The following RUNDC3B variants were observed in gnomAD, a reference collection of about 807,000 sequenced individuals.
RUNDC3B encodes RUN domain containing 3B, also known as RUN domain-containing protein 3B.
Under a neutral mutation model 58.4 loss-of-function variants are expected in RUNDC3B, and 33 were observed. The ratio of observed to expected loss-of-function variants is 0.56; its 90% CI spans 0.43 to 0.75. The LOEUF (loss-of-function observed/expected upper bound fraction) is 0.75, where lower values mean the gene tolerates loss of function less well. Among genes scored for constraint, RUNDC3B ranks in the 30% least tolerant of loss-of-function variants. RUNDC3B has a pLI of 0.00. For synonymous variants in RUNDC3B, 193 were observed against 195.2 expected (o/e 0.99, Z 0.10); for missense variants, 501 against 535.7 (o/e 0.94, Z 0.64).
chr7:87,821,766 A>G (rs1161036114), intron 10 of RUNDC3B, among the ~76,000 whole-genome samples: 1 of 152,216 alleles, frequency 6.6e-6, no homozygotes, highest in Non-Finnish European at 1.5e-5. Context: ...TCTTTGACAA[A>G]CCTGACAAAA....
intron 1 of RUNDC3B, among the ~76,000 whole-genome samples, chr7:87,643,069 A>G (rs983278997): frequency 6.6e-6 from 1 of 151,852 alleles, no homozygotes; most frequent in African/African-American, 2.4e-5. Context: ...GCCTCTTTCC[A>G]CCATGCCTGA....
intron 4 of RUNDC3B, among the ~76,000 whole-genome samples, chr7:87,733,061 C>G (rs1241800540): frequency 6.6e-6 from 1 of 152,056 alleles, no homozygotes; most frequent in Non-Finnish European, 1.5e-5. Context: ...ATGCCTTAAC[C>G]CTAAAGAGGC....
chr7:87,630,610 G>A (rs1014139618), intron 1 of RUNDC3B, among the ~76,000 whole-genome samples: 1 of 151,362 alleles, frequency 6.6e-6, no homozygotes, highest in Non-Finnish European at 1.5e-5. Flanking sequence ...TTCTTGGGGG[G>A]TAACATATTT....
At chr7:87,718,609 A>G (rs1006542593) in intron 4 of RUNDC3B, among the ~76,000 whole-genome samples, 5 of 152,146 alleles carry the variant, frequency 3.3e-5, no homozygotes, top group African/African-American at 9.7e-5. Context: ...AGTAAAAACC[A>G]GCTATTTTTC....
intron 3 of RUNDC3B, among the ~76,000 whole-genome samples, chr7:87,705,737 A>T (rs551918718): frequency 6.6e-6 from 1 of 152,308 alleles, no homozygotes; most frequent in Admixed American, 6.5e-5. Context: ...TTCTTTTCTG[A>T]ACTCACCCAT....
intron 4 of RUNDC3B, among the ~76,000 whole-genome samples, chr7:87,723,587 C>T (rs778584016): frequency 2.6e-5 from 4 of 152,068 alleles, no homozygotes; most frequent in Non-Finnish European, 4.4e-5. Context: ...TGTATAAATA[C>T]ATTTTAGTTA....
chr7:87,658,345 C>A (rs550520241), intron 2 of RUNDC3B, among the ~76,000 whole-genome samples: 19 of 152,100 alleles, frequency 1.2e-4, no homozygotes, highest in Admixed American at 2.6e-4. Context: ...ATTTCCTAAT[C>A]TGAACAACAG....
At chr7:87,784,833 G>C (rs1212208494) in intron 8 of RUNDC3B, among the ~76,000 whole-genome samples, 5 of 151,960 alleles carry the variant, frequency 3.3e-5, no homozygotes, top group Non-Finnish European at 7.4e-5. Context: ...TCCTATCATG[G>C]ATGTCCTGCC....
intron 2 of RUNDC3B, among the ~76,000 whole-genome samples, chr7:87,677,021 A>G (rs889289883): frequency 6.6e-6 from 1 of 152,146 alleles, no homozygotes; most frequent in Non-Finnish European, 1.5e-5. Context: ...TTCCTACTCT[A>G]TTGGTGGGAA....
At chr7:87,786,077 A>G (rs1157933237) in intron 8 of RUNDC3B, among the ~76,000 whole-genome samples, 2 of 152,152 alleles carry the variant, frequency 1.3e-5, no homozygotes, top group East Asian at 1.9e-4. Context: ...TTTTCTCTCA[A>G]ACAATCTGTT....
chr7:87,638,777 A>G (rs763304636), intron 1 of RUNDC3B, among the ~76,000 whole-genome samples: 19 of 152,088 alleles, frequency 1.2e-4, no homozygotes, highest in Non-Finnish European at 2.2e-4. Flanking sequence ...TCAAAGAACC[A>G]GCGTTTGACT....
chr7:87,805,635 A>T (rs1176319398), intron 8 of RUNDC3B, among the ~76,000 whole-genome samples: 1 of 152,180 alleles, frequency 6.6e-6, no homozygotes, highest in Non-Finnish European at 1.5e-5. Context: ...ATGAGGTATA[A>T]AACTTTTCAC....
chr7:87,642,246 G>A (rs913264835), intron 1 of RUNDC3B, among the ~76,000 whole-genome samples: 1 of 152,048 alleles, frequency 6.6e-6, no homozygotes, highest in South Asian at 2.1e-4. Flanking sequence ...GCTGATGTGT[G>A]TGTTTGCATA....
intron 8 of RUNDC3B, among the ~76,000 whole-genome samples, chr7:87,798,621 A>T (rs764080657): frequency 1.3e-5 from 2 of 152,206 alleles, no homozygotes; most frequent in Non-Finnish European, 2.9e-5. Context: ...CACCTGCATC[A>T]TTCACTCCTC....
intron 2 of RUNDC3B, among the ~76,000 whole-genome samples, chr7:87,655,567 G>A (rs1173470457): frequency 6.6e-6 from 1 of 152,136 alleles, no homozygotes; most frequent in African/African-American, 2.4e-5. Flanking sequence ...TGTGCTGGAA[G>A]GAGAGGGATC....
intron 2 of RUNDC3B, among the ~76,000 whole-genome samples, chr7:87,693,356 A>G (rs991460078): frequency 5.3e-5 from 8 of 152,206 alleles, no homozygotes; most frequent in African/African-American, 1.9e-4. Flanking sequence ...AAGAAAACAT[A>G]AAAGTTTTAA....
chr7:87,643,284 G>A (rs1386482429), intron 1 of RUNDC3B, among the ~76,000 whole-genome samples: 1 of 152,078 alleles, frequency 6.6e-6, no homozygotes, highest in Non-Finnish European at 1.5e-5. Flanking sequence ...CACGAAGAGA[G>A]TTTCATGTTT....
intron 8 of RUNDC3B, among the ~76,000 whole-genome samples, chr7:87,796,075 A>T (rs1835802928): frequency 2.6e-5 from 4 of 152,206 alleles, no homozygotes; most frequent in Admixed American, 2.0e-4. Flanking sequence ...ACACAGATGA[A>T]TGGATAAAGA....
chr7:87,673,747 G>A (rs1189705709), intron 2 of RUNDC3B, among the ~76,000 whole-genome samples: 1 of 152,170 alleles, frequency 6.6e-6, no homozygotes, highest in Non-Finnish European at 1.5e-5. Context: ...AACCATTGCT[G>A]GGAAACTAGG....
Sources: allele counts gnomAD v4.1 joint callset (sites outside exome capture counted in the v4.1 genomes callset), GRCh38; gene constraint gnomAD v4.1.1; transcripts MANE v1.5; gene names NCBI Gene and HGNC (gene_info 2026-07-23, HGNC 2026-07-21).